Variants in AKAP13 observed in about 807,000 individuals in gnomAD.
AKAP13 encodes A-kinase anchoring protein 13.
A neutral mutation model predicts 264.5 loss-of-function variants in AKAP13; 80 were observed. The observed-to-expected ratio is 0.30, with a 90% confidence interval of 0.25 to 0.36. AKAP13 has a LOEUF of 0.36. Among genes scored for constraint, AKAP13 ranks in the 10% least tolerant of loss-of-function variants. The probability of loss-of-function intolerance (pLI) is 1.00; values close to 1 mark genes in which losing one functional copy is unlikely to be tolerated. For missense variants in AKAP13, 3,712 were observed against 3,435.2 expected, an observed-to-expected ratio of 1.08 and a Z score of -2.01; for synonymous variants, 1,380 against 1,250.2, an observed-to-expected ratio of 1.10 and a Z score of -2.19.
intron 10 of AKAP13, among the ~76,000 whole-genome samples, chr15:85,650,525 G>A (rs10163090): frequency 0.33 from 50,178 of 151,536 alleles, 8,798 homozygotes; most frequent in Middle Eastern, 0.5. Flanking sequence ...AGAGGCCGAG[G>A]CAGGCGGATC....
At chr15:85,429,558 C>T (rs557637930) in intron 1 of AKAP13, among the ~76,000 whole-genome samples, 16 of 152,270 alleles carry the variant, frequency 1.1e-4, no homozygotes, top group East Asian at 5.8e-4. Context: ...ATTTAGGATT[C>T]GGTTTGGGAG....
At position 85,585,852 on chromosome 15, in the gene AKAP13, C is replaced by T. The variant is rs753900155; in HGVS notation, c.4161+29C>T. The T allele has an allele frequency of 1.1e-5, 17 of 1,609,706 alleles. No homozygotes were observed. The South Asian group carries it at 1.7e-4, about 16-fold the overall frequency. ...AGTGGCATCAGTAAGTCTATAAGGG[C>T]ACAAAATGTGTTTATCCTGTTCTGC... On this transcript the variant is annotated intron_variant, in intron 8 of 36. Transcript: ENST00000394518.
chr15:85,594,624 T>G (rs2079728143), intron 8 of AKAP13, among the ~76,000 whole-genome samples: 1 of 152,256 alleles, frequency 6.6e-6, no homozygotes, highest in Non-Finnish European at 1.5e-5. Context: ...CTTGTAGTTC[T>G]AAGTTCTGTG....
intron 8 of AKAP13, among the ~76,000 whole-genome samples, chr15:85,599,664 A>C (rs2079967933): frequency 6.6e-6 from 1 of 152,162 alleles, no homozygotes; most frequent in South Asian, 2.1e-4. Context: ...TTATACTGCC[A>C]TTTGTCTGTT....
intron 1 of AKAP13, among the ~76,000 whole-genome samples, chr15:85,448,795 C>T (rs1275179878): frequency 1.4e-5 from 2 of 147,854 alleles, no homozygotes; most frequent in Non-Finnish European, 3.0e-5. Context: ...AATTGAGTAA[C>T]GTGATTCTTC....
intron 1 of AKAP13, among the ~76,000 whole-genome samples, chr15:85,391,200 A>G (rs555213577): frequency 2.6e-5 from 4 of 152,344 alleles, no homozygotes; most frequent in Non-Finnish European, 4.4e-5. Flanking sequence ...ATTATCTTGC[A>G]TATTATATCA....
chr15:85,496,288 A>AT (rs1162951914), intron 2 of AKAP13, among the ~76,000 whole-genome samples: 3 of 152,032 alleles, frequency 2.0e-5, no homozygotes, highest in African/African-American at 7.3e-5. Context: ...TATCAGAGTG[A>AT]TTTTCTACCA....
rs137905916 is a variant in AKAP13, at chr15:85,674,840, G to A, written c.5101+5010G>A. ...GAAATATGTATGTGTGTGTGTGTGT[G>A]TATATATATATGAATATATGTGAAT... On this transcript the variant is annotated intron_variant, in intron 14 of 36. Transcript: ENST00000394518. 5.4e-3 allele frequency among the ~76,000 whole-genome samples: 813 copies of A among 151,672 alleles called. 5 individuals carry two copies. Among genetic ancestry groups the A allele is most frequent in the Middle Eastern group, 0.014 (4 of 292 alleles).
At chr15:85,645,362 A>G (rs1359957774) in intron 9 of AKAP13, among the ~76,000 whole-genome samples, 1 of 152,200 alleles carries the variant, frequency 6.6e-6, no homozygotes, top group African/African-American at 2.4e-5. Context: ...AGAAAAGTTA[A>G]ATTATATTTC....
chr15:85,627,536 C>T (rs2081477438), intron 8 of AKAP13: 2 of 152,160 alleles, frequency 1.3e-5, no homozygotes, highest in Non-Finnish European at 1.5e-5. Flanking sequence ...GAGTTATTGG[C>T]CAAGTATAGT....
At chr15:85,498,226 A>ATATATATATATC (rs1567088692) in intron 2 of AKAP13, among the ~76,000 whole-genome samples, 4 of 130,400 alleles carry the variant, frequency 3.1e-5, no homozygotes, top group African/African-American at 1.1e-4. Context: ...ATATATATAT[A>ATATATATATATC]TCACATTGAG....
At chr15:85,559,779 C>G (rs1411779359) in intron 5 of AKAP13, among the ~76,000 whole-genome samples, 2 of 142,892 alleles carry the variant, frequency 1.4e-5, no homozygotes, top group African/African-American at 2.6e-5. Context: ...AAGCTTCACT[C>G]TCTAGCCTGC....
intron 5 of AKAP13, among the ~76,000 whole-genome samples, chr15:85,556,075 A>G (rs531762232): frequency 6.6e-6 from 1 of 152,324 alleles, no homozygotes; most frequent in South Asian, 2.1e-4. Context: ...CATAAGTTTT[A>G]GAGTTAGCTC....
At chr15:85,684,537 C>T (rs951344999) in intron 15 of AKAP13, 5 of 532,848 alleles carry the variant, frequency 9.4e-6, no homozygotes, top group Non-Finnish European at 1.6e-5. Flanking sequence ...CAGAGCAAGA[C>T]TGTCTCCAAA....
intron 8 of AKAP13, among the ~76,000 whole-genome samples, chr15:85,601,469 A>G (rs1203966146): frequency 1.3e-5 from 2 of 152,224 alleles, no homozygotes; most frequent in Non-Finnish European, 1.5e-5. Context: ...CTGTTAAGTT[A>G]GAAAGCTCTC....
intron 3 of AKAP13, among the ~76,000 whole-genome samples, chr15:85,526,474 G>A (rs2077047505): frequency 6.6e-6 from 1 of 151,986 alleles, no homozygotes; most frequent in Admixed American, 6.6e-5. Context: ...GTCTCCCTGT[G>A]TTGCCCAAGC....
At chr15:85,429,476 T>A (rs1379090363) in intron 1 of AKAP13, among the ~76,000 whole-genome samples, 2 of 152,232 alleles carry the variant, frequency 1.3e-5, no homozygotes, top group Non-Finnish European at 2.9e-5. Flanking sequence ...ATATCTACTA[T>A]AGTACTCTTT....
intron 5 of AKAP13, among the ~76,000 whole-genome samples, chr15:85,547,409 TG>T (rs2077789753): frequency 6.6e-6 from 1 of 152,254 alleles, no homozygotes; most frequent in South Asian, 2.1e-4. Flanking sequence ...CAGTCTATTT[TG>T]ATAAAGCAAG....
intron 1 of AKAP13, among the ~76,000 whole-genome samples, chr15:85,407,998 A>G (rs1169177567): frequency 1.3e-5 from 2 of 151,578 alleles, no homozygotes; most frequent in Admixed American, 6.6e-5. Context: ...AATGGATGAA[A>G]CTTGTTGAGT....
Sources: gnomAD v4.1 joint callset for allele counts (sites outside exome capture counted in the v4.1 genomes callset) on GRCh38, gnomAD v4.1.1 for gene constraint, MANE v1.5 for transcripts, NCBI Gene and HGNC (gene_info 2026-07-23, HGNC 2026-07-21) for gene names.